PDIA5: variants seen among roughly 807,000 people sequenced by gnomAD.
The protein encoded by PDIA5 is protein disulfide-isomerase A5.
In PDIA5, 58 loss-of-function variants were observed where a neutral mutation model predicts 77.6. The ratio of observed to expected loss-of-function variants is 0.75; its 90% CI spans 0.61 to 0.93. The LOEUF is 0.93. Ranked by LOEUF, PDIA5 falls within the 40% of genes least tolerant of loss-of-function variation. The pLI, the probability that PDIA5 is intolerant of heterozygous loss-of-function variation, is 0.00. For missense variants in PDIA5, 630 were observed against 647.7 expected (o/e 0.97, Z 0.30); for synonymous variants, 250 against 252.1 (o/e 0.99, Z 0.08).
chr3:123,161,694 T>G (rs1576470728), intron 16 of PDIA5, 186 bp from the exon 17 acceptor site: 1 of 651,046 alleles, frequency 1.5e-6, no homozygotes. Context: ...ATGCCGAGGG[T>G]TTTCTCACTT....
intron 8 of PDIA5, among the ~76,000 whole-genome samples, chr3:123,118,948 G>A (rs545862102): frequency 3.7e-4 from 57 of 152,210 alleles, no homozygotes; most frequent in Non-Finnish European, 7.5e-4. Flanking sequence ...AAGACCACTC[G>A]TGTTCAGAAT....
intron 1 of PDIA5, among the ~76,000 whole-genome samples, chr3:123,074,531 A>T (rs1239293155): frequency 6.6e-6 from 1 of 152,172 alleles, no homozygotes; most frequent in Non-Finnish European, 1.5e-5. Flanking sequence ...AATAATATTT[A>T]TGTTTATTAA....
chr3:123,082,694 T>C (rs775665449), intron 1 of PDIA5, among the ~76,000 whole-genome samples: 14 of 152,182 alleles, frequency 9.2e-5, no homozygotes, highest in Middle Eastern at 3.4e-3. Flanking sequence ...GTCTCGCTAA[T>C]AAAGAGAAGT....
At chr3:123,130,456 C>T in intron 10 of PDIA5, 24 bp from the exon 11 acceptor site, 1 of 1,608,814 alleles carries the variant, frequency 6.2e-7, no homozygotes, top group Non-Finnish European at 8.5e-7. Flanking sequence ...CTGCTCTGAG[C>T]TCTGCCTGTT....
intron 3 of PDIA5, among the ~76,000 whole-genome samples, chr3:123,093,004 A>G (rs1012821504): frequency 1.3e-5 from 2 of 152,244 alleles, no homozygotes; most frequent in Non-Finnish European, 2.9e-5. Flanking sequence ...TGCCTGAGTC[A>G]TAAGCCCTGT....
chr3:123,107,550 G>A (rs1256804719), intron 6 of PDIA5, among the ~76,000 whole-genome samples: 1 of 152,112 alleles, frequency 6.6e-6, no homozygotes, highest in Non-Finnish European at 1.5e-5. Context: ...TGCAAAAGCT[G>A]TGACACACAT....
At chr3:123,132,446 T>C (rs115170210) in intron 11 of PDIA5, among the ~76,000 whole-genome samples, 4 of 152,370 alleles carry the variant, frequency 2.6e-5, no homozygotes, top group African/African-American at 9.6e-5. Flanking sequence ...AATAGTTTCC[T>C]ATAGCTCTTC....
rs139880870 is a variant in PDIA5, at chr3:123,111,947, C to T, written c.541+943C>T. Among the ~76,000 whole-genome samples the T allele has an allele frequency of 6.1e-3, 925 of 152,282 alleles. 6 individuals carry two copies. The highest frequency in any genetic ancestry group is 7.1e-3 in the African/African-American group (294 of 41,554). On this transcript the variant is annotated intron_variant, in intron 7 of 16. Coordinates refer to ENST00000316218, the MANE Select transcript of PDIA5 (RefSeq NM_006810.4). Reference sequence around the variant, plus strand: ...CAAAGGGTCAGCAAATTATGGCCCACGGGCCAGCTGCCTCTTTTTGTAAAG... The same window carrying T: ...CAAAGGGTCAGCAAATTATGGCCCATGGGCCAGCTGCCTCTTTTTGTAAAG...
At chr3:123,138,786 G>A (rs1442594848) in intron 11 of PDIA5, among the ~76,000 whole-genome samples, 1 of 152,066 alleles carries the variant, frequency 6.6e-6, no homozygotes, top group East Asian at 1.9e-4. Flanking sequence ...GCATTTGTAG[G>A]AAACCCTCCC....
At chr3:123,148,906 G>A (rs571169493) in intron 13 of PDIA5, among the ~76,000 whole-genome samples, 37 of 152,340 alleles carry the variant, frequency 2.4e-4, no homozygotes, top group African/African-American at 8.4e-4. Flanking sequence ...AGCAGACAGC[G>A]CCAGAAAAGG....
rs910441981 is a variant in PDIA5 at position 123,067,065 on chromosome 3, A to G, written c.-100A>G. The G allele has an allele frequency of 1.0e-6, 1 of 987,076 alleles. No homozygotes were observed. Among genetic ancestry groups the G allele is most frequent in the Non-Finnish European group, 1.3e-6 (1 of 763,284 alleles). 61.1% of individuals were successfully genotyped at this position (987,076 alleles called of 1,614,324 possible). On this transcript the variant is annotated 5_prime_UTR_variant, in exon 1 of 17. Transcript: ENST00000316218. The stretch of plus-strand genomic sequence containing the variant: ...AACTCGGAGGCGGGGAGCGGCTGGG[A>G]AGTGGCCGTGGTGGTTGGCCGCGGT...
intron 12 of PDIA5, 76 bp downstream of exon 12, chr3:123,145,668 C>T: frequency 7.9e-7 from 1 of 1,258,656 alleles, no homozygotes; most frequent in Non-Finnish European, 1.2e-6. Flanking sequence ...TGACTTTCCC[C>T]TGCAAGCCCT....
intron 8 of PDIA5, among the ~76,000 whole-genome samples, chr3:123,118,299 C>T (rs1022475981): frequency 2.9e-4 from 44 of 152,334 alleles, no homozygotes; most frequent in Middle Eastern, 3.4e-3. Context: ...CCTCAATAGA[C>T]ACCATATTTT....
intron 8 of PDIA5, among the ~76,000 whole-genome samples, chr3:123,117,374 TTATATATATATATATA>T (rs370968904): frequency 2.5e-5 from 2 of 79,876 alleles, no homozygotes; most frequent in African/African-American, 9.6e-5. Context: ...TTCTATGATT[TTATATATATATATATA>T]TATATATATT....
chr3:123,141,374 C>T (rs963010942), intron 11 of PDIA5, among the ~76,000 whole-genome samples: 11 of 152,216 alleles, frequency 7.2e-5, no homozygotes, highest in Non-Finnish European at 8.8e-5. Flanking sequence ...TTCCCGAGGC[C>T]TCCCAGTGTG....
chr3:123,123,141 C>T (rs1935158827), intron 8 of PDIA5, among the ~76,000 whole-genome samples: 1 of 152,192 alleles, frequency 6.6e-6, no homozygotes, highest in Admixed American at 6.5e-5. Context: ...GCCGGACATA[C>T]TGCCACATGT....
intron 10 of PDIA5, among the ~76,000 whole-genome samples, chr3:123,129,015 G>T (rs543104145): frequency 1.3e-5 from 2 of 152,076 alleles, no homozygotes; most frequent in African/African-American, 4.8e-5. Context: ...GCCCTCCCTC[G>T]TGTAGATGGA....
chr3:123,116,226 A>G lies in PDIA5; in HGVS notation c.542-5A>G. ...GGATGTGGTCTCTCTCCTGCCTGTG[A>G]CCAGGGTGCAGCATGTGCAAGAGGA... On this transcript the variant is annotated splice_region_variant and splice_polypyrimidine_tract_variant and intron_variant, in intron 7 of 16. Coordinates refer to ENST00000316218, the MANE Select transcript of PDIA5 (RefSeq NM_006810.4). The G allele has an allele frequency of 6.2e-7, 1 of 1,613,774 alleles. No individual in the cohort carries two copies. The highest frequency in any genetic ancestry group is 8.5e-7 in the Non-Finnish European group (1 of 1,179,720).
intron 3 of PDIA5, among the ~76,000 whole-genome samples, chr3:123,094,594 A>G (rs1383041962): frequency 1.3e-5 from 2 of 152,230 alleles, no homozygotes; most frequent in Non-Finnish European, 2.9e-5. Context: ...CAGCTCTCGC[A>G]GTTTTCCTAA....
Sources: allele counts gnomAD v4.1 joint callset (sites outside exome capture counted in the v4.1 genomes callset), GRCh38; gene constraint gnomAD v4.1.1; transcripts MANE v1.5; gene names NCBI Gene and HGNC (gene_info 2026-07-23, HGNC 2026-07-21).